Variants in KANSL1 observed in about 807,000 individuals in gnomAD.
KANSL1 encodes the protein MLL1/MLL complex subunit KANSL1.
Under a neutral mutation model 103.6 loss-of-function variants are expected in KANSL1, and 22 were observed. The observed-to-expected ratio is 0.21, with a 90% confidence interval of 0.15 to 0.30. KANSL1 has a LOEUF of 0.30. KANSL1 is among the 10% of genes least tolerant of loss of function. The pLI, the probability that KANSL1 is intolerant of heterozygous loss-of-function variation, is 1.00. For synonymous variants in KANSL1, 600 were observed against 527.6 expected (o/e 1.14, Z -1.88); for missense variants, 1,337 against 1,399.8 (o/e 0.96, Z 0.72).
chr17:46,034,070 A>G, intron 11 of KANSL1, 91 bp downstream of exon 11: 1 of 1,485,034 alleles, frequency 6.7e-7, no homozygotes, highest in East Asian at 2.4e-5. Flanking sequence ...AGAACCAAAG[A>G]CTAGGGCCCA....
chr17:46,061,580 T>A (rs1238927977), intron 6 of KANSL1, among the ~76,000 whole-genome samples: 2 of 152,172 alleles, frequency 1.3e-5, no homozygotes, highest in Non-Finnish European at 1.5e-5. Context: ...AATTCCGTCA[T>A]TTTATAATAA....
Position 46,039,895 on chromosome 17 carries a change from CAT to C in KANSL1, c.2021-13_2021-12del. The stretch of plus-strand genomic sequence containing the variant: ...GGCTTGTGGGAACATCTGCAAGAAA[CAT>C]AAAATGCTACAGGTTAGTCCAAACA... On this transcript the variant is annotated splice_polypyrimidine_tract_variant and intron_variant, in intron 7 of 14. Transcript: ENST00000432791. 1 of 1,613,804 alleles carries C rather than the reference CAT, an allele frequency of 6.2e-7. No homozygotes were observed. The highest frequency in any genetic ancestry group is 8.5e-7 in the Non-Finnish European group (1 of 1,179,728).
At chr17:46,044,322 G>A (rs2077428799) in intron 7 of KANSL1, 1 of 152,190 alleles carries the variant, frequency 6.6e-6, no homozygotes, top group South Asian at 2.1e-4. Flanking sequence ...AAAGATGAAT[G>A]AGAAGACCCT....
rs534754110 is a variant in KANSL1, at chr17:46,161,250, TAAAA to T, written c.1289+9601_1289+9604del. 1.0e-4 allele frequency among the ~76,000 whole-genome samples: 8 copies of T among 79,396 alleles called. No homozygotes were observed. The South Asian group carries it at 1.8e-3, about 18-fold the overall frequency. The allele number at this position is 79,396 out of a possible 152,430, so 52.1% of individuals were successfully genotyped here. On this transcript the variant is annotated intron_variant, in intron 2 of 14. Transcript: ENST00000432791. ...TAACATGATGAAACCCCACCTCTACTAAAAAAAAAAAAAAAAAAAAAAAAAAATA... is the reference window on the plus strand; with the variant it reads ...TAACATGATGAAACCCCACCTCTACTAAAAAAAAAAAAAAAAAAAAAAATA...
chr17:46,149,465 A>G (rs1206121193), intron 2 of KANSL1, among the ~76,000 whole-genome samples: 1 of 152,254 alleles, frequency 6.6e-6, no homozygotes, highest in Non-Finnish European at 1.5e-5. Flanking sequence ...CAGATGGCAA[A>G]TATTTAGGCT....
At chr17:46,032,403 C>T (rs1076222) in intron 13 of KANSL1, 104 bp from the exon 14 acceptor site, 5 of 979,450 alleles carry the variant, frequency 5.1e-6, no homozygotes, top group Admixed American at 5.4e-5. Context: ...GGCAAACAAA[C>T]ACCAACAGAT....
At chr17:46,137,179 T>G (rs1232561008) in intron 2 of KANSL1, among the ~76,000 whole-genome samples, 1 of 152,254 alleles carries the variant, frequency 6.6e-6, no homozygotes, top group Non-Finnish European at 1.5e-5. Context: ...ATTTTAATTC[T>G]GCCTCTTGGC....
chr17:46,170,597 T>C (rs113714376), intron 2 of KANSL1: 150 of 491,468 alleles, frequency 3.1e-4, no homozygotes, highest in African/African-American at 2.6e-3. Flanking sequence ...ACACATAAGA[T>C]GTCTCCTAGT....
intron 3 of KANSL1, among the ~76,000 whole-genome samples, chr17:46,087,328 T>A (rs998504943): frequency 6.6e-6 from 1 of 152,204 alleles, no homozygotes; most frequent in African/African-American, 2.4e-5. Context: ...GTAAGTTCAC[T>A]ATGGCATTCA....
At chr17:46,194,419 T>C (rs2047533908), upstream of KANSL1, among the ~76,000 whole-genome samples, 1 of 152,268 alleles carries the variant, frequency 6.6e-6, no homozygotes. Context: ...TGGCACCTTA[T>C]CATTTCTCAT....
intron 7 of KANSL1, 53 bp from the exon 8 acceptor site, chr17:46,039,937 T>C (rs781017818): frequency 6.5e-7 from 1 of 1,530,734 alleles, no homozygotes; most frequent in South Asian, 1.2e-5. Flanking sequence ...GCCTCTCTAG[T>C]GTTCAAGACC....
chr17:46,056,249 T>C (rs974724584), intron 6 of KANSL1, among the ~76,000 whole-genome samples: 1 of 152,194 alleles, frequency 6.6e-6, no homozygotes, highest in African/African-American at 2.4e-5. Flanking sequence ...TCCACCCACC[T>C]TGGCCTCCCA....
At chr17:46,039,670 T>G in intron 8 of KANSL1, 32 bp downstream of exon 8, 1 of 1,598,572 alleles carries the variant, frequency 6.3e-7, no homozygotes, top group Non-Finnish European at 8.5e-7. Context: ...TCACTGATAC[T>G]CTGGGGGACT....
intron 2 of KANSL1, among the ~76,000 whole-genome samples, chr17:46,137,320 G>C (rs2044196909): frequency 6.6e-6 from 1 of 152,152 alleles, no homozygotes; most frequent in African/African-American, 2.4e-5. Flanking sequence ...AACTTGTTAT[G>C]ATCTCCCACT....
At chr17:46,046,956 A>C (rs1024310051) in intron 7 of KANSL1, among the ~76,000 whole-genome samples, 2 of 152,214 alleles carry the variant, frequency 1.3e-5, no homozygotes, top group African/African-American at 4.8e-5. Flanking sequence ...GGCTACATAA[A>C]TCCAATGGCA....
intron 6 of KANSL1, among the ~76,000 whole-genome samples, chr17:46,058,741 A>ACT (rs1286306364): frequency 4.6e-4 from 34 of 73,584 alleles, no homozygotes; most frequent in Middle Eastern, 6.8e-3. Flanking sequence ...ACACACACAC[A>ACT]CACTCTCTCT....
chr17:46,192,501 G>A (rs2047385929), intron 1 of KANSL1: 1 of 152,808 alleles, frequency 6.5e-6, no homozygotes, highest in African/African-American at 2.4e-5. Flanking sequence ...GCCAGAGTTT[G>A]TTTGGGGGGT....
At chr17:46,147,101 C>G (rs1158446975) in intron 2 of KANSL1, among the ~76,000 whole-genome samples, 2 of 152,128 alleles carry the variant, frequency 1.3e-5, no homozygotes, top group African/African-American at 2.4e-5. Flanking sequence ...AATGAATTGA[C>G]TAAGAAATGT....
chr17:46,067,171 G>GA (rs1224201665), intron 5 of KANSL1, among the ~76,000 whole-genome samples: 4 of 152,156 alleles, frequency 2.6e-5, no homozygotes, highest in Non-Finnish European at 5.9e-5. Flanking sequence ...GAATCTCCCT[G>GA]AATCTTTTGT....
Sources: gnomAD v4.1 joint callset for allele counts (sites outside exome capture counted in the v4.1 genomes callset) on GRCh38, gnomAD v4.1.1 for gene constraint, MANE v1.5 for transcripts, NCBI Gene and HGNC (gene_info 2026-07-23, HGNC 2026-07-21) for gene names.